ATG13: variants seen among roughly 807,000 people sequenced by gnomAD.
The protein encoded by ATG13 is autophagy related 13, also known as autophagy-related protein 13.
A neutral mutation model predicts 65.5 loss-of-function variants in ATG13; 23 were observed. The observed-to-expected ratio is 0.35, with a 90% CI of 0.25 to 0.50. The LOEUF is 0.50. Among genes scored for constraint, ATG13 ranks in the 20% least tolerant of loss-of-function variants. ATG13 has a pLI of 0.98. For missense variants in ATG13, 566 were observed against 677.0 expected (o/e 0.84, Z 1.82); for synonymous variants, 252 against 245.2 (o/e 1.03, Z -0.26).
chr11:46,656,530 A>G (rs1426076462), intron 8 of ATG13: 5 of 334,568 alleles, frequency 1.5e-5, no homozygotes, highest in African/African-American at 4.2e-5. Context: ...CTAATTTTCT[A>G]CAGTGAGGAT....
intron 1 of ATG13, among the ~76,000 whole-genome samples, chr11:46,628,187 G>C (rs2050383245): frequency 6.6e-6 from 1 of 151,824 alleles, no homozygotes; most frequent in Non-Finnish European, 1.5e-5. Flanking sequence ...CAGATCACCT[G>C]AGGTCAGGAG....
At chr11:46,636,874 C>T (rs1388060416) in intron 2 of ATG13, among the ~76,000 whole-genome samples, 1 of 151,950 alleles carries the variant, frequency 6.6e-6, no homozygotes, top group Non-Finnish European at 1.5e-5. Flanking sequence ...ACTACAGGCG[C>T]ACACCAACAC....
At chr11:46,657,274 C>T in intron 9 of ATG13, 83 bp downstream of exon 9, 3 of 1,306,112 alleles carry the variant, frequency 2.3e-6, no homozygotes, top group Non-Finnish European at 3.3e-6. Context: ...ACTAAACCTA[C>T]AATTCAGCTT....
At chr11:46,636,707 T>G (rs1345899675) in intron 2 of ATG13, among the ~76,000 whole-genome samples, 3 of 152,100 alleles carry the variant, frequency 2.0e-5, no homozygotes, top group Admixed American at 1.3e-4. Context: ...TCCTCCTGCC[T>G]CAACCTCCCA....
intron 1 of ATG13, among the ~76,000 whole-genome samples, chr11:46,627,777 C>T (rs1419422611): frequency 2.0e-5 from 3 of 152,024 alleles, no homozygotes; most frequent in Non-Finnish European, 4.4e-5. Context: ...CCGTGCCTGG[C>T]CTGAATTTAA....
intron 2 of ATG13, among the ~76,000 whole-genome samples, chr11:46,639,062 A>C (rs1231752934): frequency 6.6e-6 from 1 of 151,930 alleles, no homozygotes; most frequent in African/African-American, 2.4e-5. Flanking sequence ...ATCTCGGCTC[A>C]CTGCAACCTC....
At chr11:46,652,875 A>G (rs905344642) in intron 7 of ATG13, among the ~76,000 whole-genome samples, 3 of 152,096 alleles carry the variant, frequency 2.0e-5, no homozygotes, top group Non-Finnish European at 2.9e-5. Flanking sequence ...CATTGTTCCT[A>G]TATTACTTTA....
chr11:46,623,456 C>T (rs953599964), intron 1 of ATG13, among the ~76,000 whole-genome samples: 1 of 151,958 alleles, frequency 6.6e-6, no homozygotes, highest in Non-Finnish European at 1.5e-5. Flanking sequence ...GAGACAGAGT[C>T]TCACTCTGTC....
In ATG13 at chr11:46,657,436, C is replaced by T. The variant is rs986877291; in HGVS notation, c.597-88C>T. The T allele has an allele frequency of 1.3e-5, 17 of 1,279,322 alleles. No homozygotes were observed. In the Admixed American group the frequency reaches 2.6e-4, roughly 19 times the overall value. The allele number at this position is 1,279,322 out of a possible 1,614,324, so 79.2% of individuals were successfully genotyped here. ...TTAAAGCTCTGGTAGTGCCTGCCAA[C>T]AGATGTAAGGTGAGGGGCCCTCTGA... is the stretch of plus-strand genomic sequence containing the variant. On this transcript the variant is annotated intron_variant, in intron 9 of 18. Transcript: ENST00000683050.
At chr11:46,645,287 TCTAAGA>T in intron 3 of ATG13, 46 bp from the exon 4 acceptor site, 1 of 1,541,668 alleles carries the variant, frequency 6.5e-7, no homozygotes, top group East Asian at 2.3e-5. Flanking sequence ...GCCAGATTAG[TCTAAGA>T]CTTTTCATCA....
chr11:46,629,996 C>T (rs569260713), intron 1 of ATG13, 49 bp from the exon 2 acceptor site: 3 of 152,128 alleles, frequency 2.0e-5, no homozygotes, highest in Non-Finnish European at 4.4e-5. Flanking sequence ...CTCTGTTGCC[C>T]AGGCTGTTGT....
chr11:46,659,385 A>T lies in ATG13; in HGVS notation c.696-7A>T. The T allele has an allele frequency of 2.5e-6, 4 of 1,605,456 alleles. No homozygotes were observed. Among genetic ancestry groups the T allele is most frequent in the East Asian group, 2.2e-5 (1 of 44,798 alleles). Reference sequence around the variant, plus strand: ...TAAAATTCATTATTTCTTTCTTTTCACTTTAGAACTGCTGGTGAGGACACT... The same window carrying T: ...TAAAATTCATTATTTCTTTCTTTTCTCTTTAGAACTGCTGGTGAGGACACT... On this transcript the variant is annotated splice_polypyrimidine_tract_variant and splice_region_variant and intron_variant, in intron 10 of 18. Transcript: ENST00000683050.
At chr11:46,641,316 C>T (rs1227302629) in intron 2 of ATG13, among the ~76,000 whole-genome samples, 5 of 152,128 alleles carry the variant, frequency 3.3e-5, no homozygotes, top group South Asian at 2.1e-4. Context: ...GTGATCCACC[C>T]GCCTCGGCCT....
At chr11:46,663,612 C>A (rs963333536) in intron 11 of ATG13, among the ~76,000 whole-genome samples, 1 of 152,204 alleles carries the variant, frequency 6.6e-6, no homozygotes, top group Non-Finnish European at 1.5e-5. Flanking sequence ...CTTCAGCACA[C>A]CTTGCATCTG....
chr11:46,618,706 T>C (rs966969527), intron 1 of ATG13, among the ~76,000 whole-genome samples: 1 of 152,130 alleles, frequency 6.6e-6, no homozygotes, highest in African/African-American at 2.4e-5. Context: ...TGTTAGTCCT[T>C]TTCATGTGTG....
intron 2 of ATG13, among the ~76,000 whole-genome samples, chr11:46,637,437 T>C (rs2054345406): frequency 1.3e-5 from 2 of 152,196 alleles, no homozygotes; most frequent in Admixed American, 1.3e-4. Context: ...GTAAGCACTT[T>C]TTTATGTTCA....
intron 2 of ATG13, among the ~76,000 whole-genome samples, chr11:46,636,997 G>C (rs2054210239): frequency 6.6e-6 from 1 of 152,146 alleles, no homozygotes; most frequent in African/African-American, 2.4e-5. Context: ...AAAGTGCTGG[G>C]ATTACAGGTG....
rs529923397 is a variant in ATG13, at chr11:46,624,268, G to A, written c.-69-5777G>A. Among the ~76,000 whole-genome samples the A allele has an allele frequency of 7.2e-5, 11 of 152,242 alleles. No individual in the cohort carries two copies. The East Asian group carries it at 2.1e-3, about 29-fold the overall frequency. ...TTTACACTCCTCAGCCTGCCAAAGT[G>A]CTGGGATTACAAAGGTGAGCCACCA... On this transcript the variant is annotated intron_variant, in intron 1 of 18. Transcript: ENST00000683050.
intron 16 of ATG13, 75 bp downstream of exon 16, chr11:46,668,651 A>G (rs1428352682): frequency 3.2e-6 from 5 of 1,542,952 alleles, no homozygotes; most frequent in East Asian, 2.2e-5. Context: ...AGAGTCACTA[A>G]TCCCCCACAG....
Sources: gnomAD v4.1 joint callset for allele counts (sites outside exome capture counted in the v4.1 genomes callset) on GRCh38, gnomAD v4.1.1 for gene constraint, MANE v1.5 for transcripts, NCBI Gene and HGNC (gene_info 2026-07-23, HGNC 2026-07-21) for gene names.